The following UPF3B variants were observed in gnomAD, a reference collection of about 807,000 sequenced individuals.
The protein encoded by UPF3B is regulator of nonsense transcripts 3B.
A neutral mutation model predicts 40.3 loss-of-function variants in UPF3B; 7 were observed. The observed-to-expected ratio is 0.17, with a 90% CI of 0.10 to 0.33. The LOEUF (loss-of-function observed/expected upper bound fraction) is 0.33. Ranked by LOEUF, UPF3B falls within the 10% of genes least tolerant of loss-of-function variation. The pLI, the probability that UPF3B is intolerant of heterozygous loss-of-function variation, is 1.00. For synonymous variants in UPF3B, 117 were observed against 117.3 expected, an observed-to-expected ratio of 1.00 and a Z score of 0.01; for missense variants, 229 against 358.9, an observed-to-expected ratio of 0.64 and a Z score of 2.93.
intron 4 of UPF3B, among the ~76,000 whole-genome samples, chrX:119,815,506 T>G (rs2055857581): frequency 9.0e-6 from 1 of 111,497 alleles, no homozygotes; most frequent in Non-Finnish European, 1.9e-5. Flanking sequence ...AATTATTATT[T>G]TATAAGCCTG....
chrX:119,816,332 C>T (rs2055864939), intron 4 of UPF3B, among the ~76,000 whole-genome samples: 1 of 111,584 alleles, frequency 9.0e-6, no homozygotes, highest in African/African-American at 3.3e-5. Flanking sequence ...GCTCCCACAA[C>T]ACCCTGTGCT....
intron 6 of UPF3B, 36 bp downstream of exon 6, chrX:119,841,699 A>G (rs1169261730): frequency 8.7e-7 from 1 of 1,154,622 alleles, no homozygotes; most frequent in African/African-American, 1.8e-5. Context: ...CAAAGAAATT[A>G]AAGTATTGAG....
chrX:119,835,141 C>A, intron 10 of UPF3B, 114 bp from the exon 11 acceptor site: 1 of 898,539 alleles, frequency 1.1e-6, no homozygotes, highest in Admixed American at 2.5e-5. Flanking sequence ...CATTTAAGAC[C>A]AAAAATGTGA....
chrX:119,843,501 T>A (rs981639923), intron 4 of UPF3B, among the ~76,000 whole-genome samples, 200 bp from the exon 5 acceptor site: 1 of 112,151 alleles, frequency 8.9e-6, no homozygotes, highest in African/African-American at 3.2e-5. Context: ...TGATACTCAC[T>A]ATAGGAATCT....
intron 4 of UPF3B, among the ~76,000 whole-genome samples, chrX:119,819,842 C>CTTTTTTTTTTT (rs34094727): frequency 1.5e-5 from 1 of 68,642 alleles, no homozygotes; most frequent in Non-Finnish European, 2.8e-5. Flanking sequence ...TCTATTTTTC[C>CTTTTTTTTTTT]TTTTTTTTTT....
Position 119,837,983 on chromosome X carries a change from A to G in UPF3B, c.1076T>C (p.Ile359Thr), listed in dbSNP as rs760840918. 1 of 1,210,662 alleles carries G rather than the reference A, an allele frequency of 8.3e-7. No individual in the cohort carries two copies. The highest frequency in any genetic ancestry group is 1.7e-5 in the African/African-American group (1 of 57,564). The change falls in exon 10 of 11, where the codon ATA becomes ACA. Residue 359 changes from isoleucine (I) to threonine (T), a missense_variant. Around this residue, in one of 3 missense-constraint regions of UPF3B, gnomAD observed 119 missense variants for 153.8 expected, o/e 0.77. Transcript: ENST00000276201. Reference protein sequence around the residue: ...EREYERDQERILRERERLKRQ... With the variant: ...EREYERDQERTLRERERLKRQ... ...CTTCAGCCTCTCTCTTTCTCGAAGT[A>G]TGCGCTCCTGATCTCGTTCATATTC...
In UPF3B at chrX:119,837,907, C is replaced by T. The variant is rs767742480; in HGVS notation, c.1152G>A (p.Lys384=). 4 of 1,210,313 alleles carry T rather than the reference C, an allele frequency of 3.3e-6. No homozygotes were observed. In the South Asian group the frequency reaches 7.0e-5, roughly 21 times the overall value. The change falls in exon 10 of 11, where the codon AAG becomes AAA. Residue 384 remains lysine (K), a synonymous_variant. Transcript: ENST00000276201. The part of the protein sequence containing the change: ...RRQKERYEKE[K]TFKRKEEEMK... Reference sequence around the variant, plus strand: ...TTTCTTCTTCTTTTCTCTTAAAAGTCTTCTCTTTCTCATAGCGCTCCTTCT... The same window carrying T: ...TTTCTTCTTCTTTTCTCTTAAAAGTTTTCTCTTTCTCATAGCGCTCCTTCT...
chrX:119,836,200 C>A (rs1401982163), intron 10 of UPF3B, among the ~76,000 whole-genome samples: 3 of 109,225 alleles, frequency 2.7e-5, no homozygotes, highest in Non-Finnish European at 5.7e-5. Flanking sequence ...ACTAAAAATA[C>A]AAAAATTAGC....
At chrX:119,836,783 T>C (rs2056098731) in intron 10 of UPF3B, among the ~76,000 whole-genome samples, 1 of 107,998 alleles carries the variant, frequency 9.3e-6, no homozygotes, top group Admixed American at 1.0e-4. Context: ...CCCGAGTAGC[T>C]GGGACTACAG....
intron 4 of UPF3B, 80 bp from the exon 5 acceptor site, chrX:119,843,381 T>C (rs2056190456): frequency 1.5e-6 from 1 of 689,118 alleles, no homozygotes; most frequent in African/African-American, 2.2e-5. Context: ...TACTGATTTA[T>C]CAAAGAAGAT....
chrX:119,844,126 C>T lies in UPF3B; in HGVS notation c.470-825G>A, dbSNP rs902380746. ...AGTGCAATGGTGCGGTCTCAGCTCA[C>T]TGCAACCTCCGCCTCCCGGGTTCAA... On this transcript the variant is annotated intron_variant, in intron 4 of 10. Coordinates refer to ENST00000276201, the MANE Select transcript of UPF3B (RefSeq NM_080632.3). 3.6e-5 allele frequency among the ~76,000 whole-genome samples: 4 copies of T among 110,952 alleles called. No individual in the cohort carries two copies. The South Asian group carries it at 1.5e-3, about 42-fold the overall frequency.
chrX:119,822,638 C>T (rs1285504636), intron 4 of UPF3B, among the ~76,000 whole-genome samples: 5 of 111,201 alleles, frequency 4.5e-5, no homozygotes, highest in Admixed American at 2.9e-4. Flanking sequence ...ATAGAGCCTC[C>T]CTAGTGTCAC....
chrX:119,808,094 C>T (rs2055806243), intron 5 of UPF3B, among the ~76,000 whole-genome samples: 3 of 112,117 alleles, frequency 2.7e-5, no homozygotes, highest in South Asian at 3.7e-4. Context: ...AGGCCCAGCT[C>T]GTCTCCAACT....
rs1380167850 is a variant in UPF3B, at chrX:119,840,955, C to G, written c.807+121G>C. The G allele has an allele frequency of 2.3e-5, 19 of 810,414 alleles. No homozygotes were observed. In the South Asian group the frequency reaches 4.6e-4, roughly 20 times the overall value. 66.8% of individuals were successfully genotyped at this position (810,414 alleles called of 1,213,427 possible). A position where few individuals can be genotyped will look rare whatever the true frequency, so the allele number is the denominator to read the frequency against. On this transcript the variant is annotated intron_variant, in intron 7 of 10. Coordinates refer to ENST00000276201, the MANE Select transcript of UPF3B (RefSeq NM_080632.3). ...AAGATTTTTATTGGATCACTTCCCC[C>G]CAAAAGAGAACAAAAACAAAACAAA...
At chrX:119,829,695 T>C (rs2056017188), downstream of UPF3B, among the ~76,000 whole-genome samples, 1 of 111,807 alleles carries the variant, frequency 8.9e-6, no homozygotes, top group Non-Finnish European at 1.9e-5. Flanking sequence ...TATGTAATGT[T>C]AGGGTTATTC....
At chrX:119,842,605 T>TATACACACAC (rs1556380036) in intron 5 of UPF3B, among the ~76,000 whole-genome samples, 1 of 91,391 alleles carries the variant, frequency 1.1e-5, no homozygotes, top group Non-Finnish European at 2.2e-5. Context: ...CACACACACA[T>TATACACACAC]ACACACACAC....
downstream of UPF3B, among the ~76,000 whole-genome samples, chrX:119,833,039 C>A (rs1370715295): frequency 9.0e-6 from 1 of 111,062 alleles, no homozygotes; most frequent in African/African-American, 3.3e-5. Context: ...CCACTGCCCT[C>A]ACCCTTTCAA....
At chrX:119,849,232 G>A (rs751233572) in intron 3 of UPF3B, among the ~76,000 whole-genome samples, 6 of 111,640 alleles carry the variant, frequency 5.4e-5, no homozygotes, top group Non-Finnish European at 9.4e-5. Context: ...GGTGGCTCAC[G>A]CCTGTAATCC....
intron 5 of UPF3B, among the ~76,000 whole-genome samples, 192 bp from the exon 6 acceptor site, chrX:119,841,970 A>T (rs918448876): frequency 1.8e-5 from 2 of 112,539 alleles, no homozygotes; most frequent in African/African-American, 6.5e-5. Context: ...AATACCTTTT[A>T]AAAAGTAAAG....
Sources: allele counts gnomAD v4.1 joint callset (sites outside exome capture counted in the v4.1 genomes callset), GRCh38; gene constraint gnomAD v4.1.1; regional missense constraint gnomAD v4.1.1; transcripts MANE v1.5; gene names NCBI Gene and HGNC (gene_info 2026-07-23, HGNC 2026-07-21).